The following PDE9A variants were observed in gnomAD, a reference collection of about 807,000 sequenced individuals.
PDE9A encodes high affinity cGMP-specific 3',5'-cyclic phosphodiesterase 9A.
Under a neutral mutation model 87.4 loss-of-function variants are expected in PDE9A, and 60 were observed. The observed-to-expected ratio is 0.69, with a 90% CI of 0.56 to 0.85. PDE9A has a LOEUF of 0.85. Ranked by LOEUF, PDE9A falls within the 40% of genes least tolerant of loss-of-function variation. The pLI is 0.00. For missense variants in PDE9A, 665 were observed against 779.0 expected (o/e 0.85, Z 1.74); for synonymous variants, 272 against 279.4 (o/e 0.97, Z 0.27).
At chr21:42,713,205 GCTCA>G (rs2049506345) in intron 4 of PDE9A, among the ~76,000 whole-genome samples, 1 of 152,158 alleles carries the variant, frequency 6.6e-6, no homozygotes, top group South Asian at 2.1e-4. Context: ...TGCCATCTCG[GCTCA>G]CTGCAACCTC....
rs1007583749 is a variant in PDE9A, at chr21:42,702,870, G to C, written c.262+3859G>C. 6.6e-6 allele frequency among the ~76,000 whole-genome samples: 1 copy of C among 152,234 alleles called. No homozygotes were observed. Among genetic ancestry groups the C allele is most frequent in the Admixed American group, 6.5e-5 (1 of 15,282 alleles). The stretch of plus-strand genomic sequence containing the variant: ...AGGATGCTGGCTTTTATGCTGAGTG[G>C]CGTGGGCAGCTATTAGAAGGCTTTC... On this transcript the variant is annotated intron_variant, in intron 4 of 19. Transcript: ENST00000291539. The surrounding 1 kb of genome is among the most constrained non-coding windows in gnomAD (Gnocchi z 4.9).
intron 13 of PDE9A, 65 bp from the exon 14 acceptor site, chr21:42,762,018 G>T: frequency 6.7e-7 from 1 of 1,495,664 alleles, no homozygotes; most frequent in Non-Finnish European, 9.2e-7. Flanking sequence ...GCTGGGTGTT[G>T]CTCCCCCGTG....
intron 1 of PDE9A, among the ~76,000 whole-genome samples, chr21:42,662,739 T>C (rs1418592368): frequency 9.8e-6 from 1 of 101,704 alleles, no homozygotes; most frequent in Non-Finnish European, 1.9e-5. Flanking sequence ...ACCAGGCACA[T>C]CACACACAAG....
chr21:42,762,893 A>G (rs372827870), intron 14 of PDE9A, among the ~76,000 whole-genome samples: 2 of 151,986 alleles, frequency 1.3e-5, no homozygotes, highest in African/African-American at 2.4e-5. Context: ...GGGTTTCATC[A>G]TGTTGGCCAG....
chr21:42,686,302 G>A (rs1424666407), intron 2 of PDE9A, 40 bp downstream of exon 2: 17 of 1,554,666 alleles, frequency 1.1e-5, no homozygotes, highest in African/African-American at 2.7e-5. Context: ...GACGCCACGC[G>A]GCCTCCTCGC....
Position 42,675,794 on chromosome 21 carries a change from G to A in PDE9A, c.70-10398G>A, listed in dbSNP as rs984015937. 6.6e-6 allele frequency among the ~76,000 whole-genome samples: 1 copy of A among 152,316 alleles called. No individual in the cohort carries two copies. Among genetic ancestry groups the A allele is most frequent in the Non-Finnish European group, 1.5e-5 (1 of 68,026 alleles). On this transcript the variant is annotated intron_variant, in intron 1 of 19. Coordinates refer to ENST00000291539, the MANE Select transcript of PDE9A (RefSeq NM_002606.3). The surrounding 1 kb of genome is among the most constrained non-coding windows in gnomAD (Gnocchi z 4.3). Reference sequence around the variant, plus strand: ...GTCTTACAACCAGGGTATTGACAGCGAGACAAGCCCCCATCTGATCCAGAT... The same window carrying A: ...GTCTTACAACCAGGGTATTGACAGCAAGACAAGCCCCCATCTGATCCAGAT...
intron 1 of PDE9A, among the ~76,000 whole-genome samples, chr21:42,676,033 ATCTCCTCTCTCTC>A: frequency 6.6e-6 from 1 of 152,024 alleles, no homozygotes; most frequent in East Asian, 1.9e-4. Context: ...GGTAGAAGGC[ATCTCCTCTCTCTC>A]CCTCACGGGT....
intron 4 of PDE9A, among the ~76,000 whole-genome samples, chr21:42,706,559 C>T (rs940896566): frequency 2.0e-5 from 3 of 151,892 alleles, no homozygotes; most frequent in African/African-American, 7.3e-5. Context: ...GCAGGAGAAT[C>T]GCTTGAACCT....
At chr21:42,708,819 G>A (rs1686239763) in intron 4 of PDE9A, among the ~76,000 whole-genome samples, 1 of 152,176 alleles carries the variant, frequency 6.6e-6, no homozygotes, top group South Asian at 2.1e-4. Flanking sequence ...GCCTCCCAAA[G>A]TGCTGGGATT....
chr21:42,737,922 C>T (rs1405626411), intron 7 of PDE9A, among the ~76,000 whole-genome samples: 1 of 152,232 alleles, frequency 6.6e-6, no homozygotes, highest in Non-Finnish European at 1.5e-5. Flanking sequence ...TCCTCATTGA[C>T]TTTCAAAGCT....
intron 6 of PDE9A, among the ~76,000 whole-genome samples, chr21:42,732,492 A>G (rs1360718577): frequency 6.6e-6 from 1 of 152,214 alleles, no homozygotes; most frequent in Non-Finnish European, 1.5e-5. Flanking sequence ...CTTCCTTTTC[A>G]TCGGAGTCAT....
chr21:42,758,978 A>G (rs769713528), intron 10 of PDE9A, 21 bp from the exon 11 acceptor site: 24 of 1,599,098 alleles, frequency 1.5e-5, no homozygotes, highest in Middle Eastern at 3.3e-4. Context: ...CCCAGTGCCT[A>G]TCCTTCTCCT....
rs1272660716 is a variant in PDE9A at position 42,660,844 on chromosome 21, G to A, written c.69+6961G>A. ...TTTCACTTGAGGGTGCAACTTATTTGTCTTGAACCCATCCCTGACTGCCTG... is the reference window on the plus strand; with the variant it reads ...TTTCACTTGAGGGTGCAACTTATTTATCTTGAACCCATCCCTGACTGCCTG... On this transcript the variant is annotated intron_variant, in intron 1 of 19. Coordinates refer to ENST00000291539, the MANE Select transcript of PDE9A (RefSeq NM_002606.3). The surrounding 1 kb of genome is among the most constrained non-coding windows in gnomAD (Gnocchi z 4.7). 6.6e-6 allele frequency among the ~76,000 whole-genome samples: 1 copy of A among 151,994 alleles called. No homozygotes were observed. The highest frequency in any genetic ancestry group is 2.4e-5 in the African/African-American group (1 of 41,372).
intron 1 of PDE9A, among the ~76,000 whole-genome samples, chr21:42,664,570 A>T (rs1052454081): frequency 4.6e-5 from 7 of 152,192 alleles, no homozygotes; most frequent in African/African-American, 1.7e-4. Context: ...CCCCGGTGCC[A>T]GCACTCAGAG....
rs2051846437 is a variant in PDE9A at position 42,732,067 on chromosome 21, T to C, written c.443-3T>C. On this transcript the variant is annotated splice_polypyrimidine_tract_variant and splice_region_variant and intron_variant, in intron 5 of 19. Coordinates refer to ENST00000291539, the MANE Select transcript of PDE9A (RefSeq NM_002606.3). ...CCATCTGTCTTTCTTCTTTGGTTTG[T>C]AGAGAGAGAAGAATTAATCCAGAGC... 2.5e-6 allele frequency: 4 copies of C among 1,614,070 alleles called. No individual in the cohort carries two copies. Among genetic ancestry groups the C allele is most frequent in the Non-Finnish European group, 3.4e-6 (4 of 1,179,906 alleles).
At chr21:42,751,811 A>G (rs1472390552) in intron 9 of PDE9A, among the ~76,000 whole-genome samples, 1 of 147,476 alleles carries the variant, frequency 6.8e-6, no homozygotes, top group African/African-American at 2.5e-5. Context: ...CAATGGCACA[A>G]TCTTGGCTCA....
At chr21:42,666,843 C>T (rs1041872628) in intron 1 of PDE9A, among the ~76,000 whole-genome samples, 19 of 152,348 alleles carry the variant, frequency 1.2e-4, no homozygotes, top group Non-Finnish European at 2.2e-4. Context: ...TGACCTCTCC[C>T]TTCCCCATCT....
intron 1 of PDE9A, among the ~76,000 whole-genome samples, chr21:42,684,529 C>T (rs1368974306): frequency 6.6e-6 from 1 of 152,220 alleles, no homozygotes; most frequent in Non-Finnish European, 1.5e-5. Flanking sequence ...CAGGACTCCT[C>T]GGCAGTGGGG....
chr21:42,754,034 C>T lies in PDE9A; in HGVS notation c.780C>T (p.Thr260=), dbSNP rs747791750. 2.5e-6 allele frequency: 4 copies of T among 1,613,406 alleles called. No individual in the cohort carries two copies. The South Asian group carries it at 4.4e-5, about 18-fold the overall frequency. ...PETIEALRKP[T]FDVWLWEPNE... is the part of the protein sequence containing the mutation. ...CCATCGAGGCCCTGCGGAAGCCGAC[C>T]TTTGACGTCTGGCTTTGGGAGCCCA... Residue 260 remains threonine, a synonymous_variant, in exon 10 of 20, where the codon ACC becomes ACT. Coordinates refer to ENST00000291539, the MANE Select transcript of PDE9A (RefSeq NM_002606.3).
Sources: gnomAD v4.1 joint callset for allele counts (sites outside exome capture counted in the v4.1 genomes callset) on GRCh38, gnomAD v4.1.1 for gene constraint, Gnocchi (gnomAD v3.1) non-coding constraint, MANE v1.5 for transcripts, NCBI Gene and HGNC (gene_info 2026-07-23, HGNC 2026-07-21) for gene names.